SYNPO2: variants seen among roughly 807,000 people sequenced by gnomAD.
SYNPO2 encodes synaptopodin 2.
In SYNPO2, 56 loss-of-function variants were observed where a neutral mutation model predicts 85.0. That is an observed-to-expected ratio of 0.66 (90% confidence interval 0.53 to 0.82). The LOEUF (loss-of-function observed/expected upper bound fraction) is 0.82. SYNPO2 is among the 40% of genes least tolerant of loss of function. SYNPO2 has a pLI of 0.00. For synonymous variants in SYNPO2, 602 were observed against 591.1 expected, an observed-to-expected ratio of 1.02 and a Z score of -0.27; for missense variants, 1,575 against 1,534.2, an observed-to-expected ratio of 1.03 and a Z score of -0.44.
intron 1 of SYNPO2, among the ~76,000 whole-genome samples, chr4:118,963,945 A>G (rs899762165): frequency 1.3e-5 from 2 of 152,152 alleles, no homozygotes; most frequent in Non-Finnish European, 2.9e-5. Context: ...TCAATCAATC[A>G]ATCAACCTTC....
At chr4:118,956,978 GA>G (rs1734900666) in intron 1 of SYNPO2, among the ~76,000 whole-genome samples, 1 of 152,036 alleles carries the variant, frequency 6.6e-6, no homozygotes, top group South Asian at 2.1e-4. Context: ...CTGGGAGGTA[GA>G]GGTTGCAGTG....
intron 4 of SYNPO2, among the ~76,000 whole-genome samples, chr4:119,049,894 G>A (rs141800976): frequency 5.1e-4 from 77 of 152,164 alleles, no homozygotes; most frequent in African/African-American, 1.8e-3. Flanking sequence ...CCTACGGCCC[G>A]GTCACCTGCC....
At chr4:118,859,902 A>AT (rs780673739) in intron 1 of SYNPO2, among the ~76,000 whole-genome samples, 96 of 152,048 alleles carry the variant, frequency 6.3e-4, no homozygotes, top group Non-Finnish European at 1.2e-3. Context: ...TCTCTTTGAT[A>AT]TACTGATTTC....
At chr4:118,971,479 G>A (rs1286344071) in intron 1 of SYNPO2, among the ~76,000 whole-genome samples, 1 of 152,230 alleles carries the variant, frequency 6.6e-6, no homozygotes, top group Non-Finnish European at 1.5e-5. Context: ...ACTGGACAAT[G>A]TGACTTAGAC....
chr4:118,999,724 G>A (rs1243555482), intron 1 of SYNPO2, among the ~76,000 whole-genome samples: 2 of 152,094 alleles, frequency 1.3e-5, no homozygotes, highest in Non-Finnish European at 2.9e-5. Context: ...CAGGTGAAGG[G>A]CTTCATTGAT....
At chr4:118,943,327 A>T (rs1734384797) in intron 1 of SYNPO2, among the ~76,000 whole-genome samples, 1 of 152,176 alleles carries the variant, frequency 6.6e-6, no homozygotes, top group Admixed American at 6.5e-5. Context: ...GCTACAAGAG[A>T]GGGGCTCGGT....
At chr4:118,954,971 C>G (rs1734820652) in intron 1 of SYNPO2, among the ~76,000 whole-genome samples, 1 of 150,832 alleles carries the variant, frequency 6.6e-6, no homozygotes, top group Non-Finnish European at 1.5e-5. Context: ...TTGCACCAGA[C>G]AGTCTGACTC....
At chr4:118,886,977 C>T (rs1335092036), upstream of SYNPO2, among the ~76,000 whole-genome samples, 1 of 152,022 alleles carries the variant, frequency 6.6e-6, no homozygotes, top group Non-Finnish European at 1.5e-5. Context: ...CCATTTTATT[C>T]AACATTGTTT....
At chr4:118,996,543 T>TA (rs1367299605) in intron 1 of SYNPO2, among the ~76,000 whole-genome samples, 1 of 151,946 alleles carries the variant, frequency 6.6e-6, no homozygotes, top group Non-Finnish European at 1.5e-5. Flanking sequence ...TTTTGTACAA[T>TA]AAAAATAAAT....
At chr4:118,859,832 C>T (rs1303294158) in intron 1 of SYNPO2, among the ~76,000 whole-genome samples, 1 of 152,190 alleles carries the variant, frequency 6.6e-6, no homozygotes, top group Non-Finnish European at 1.5e-5. Flanking sequence ...GCCCTTCAAA[C>T]ATTGCTTCCA....
intron 1 of SYNPO2, among the ~76,000 whole-genome samples, chr4:118,904,668 A>T (rs898109520): frequency 6.6e-6 from 1 of 152,102 alleles, no homozygotes; most frequent in African/African-American, 2.4e-5. Flanking sequence ...CTAAATTACA[A>T]GACCTTATTA....
intron 4 of SYNPO2, chr4:119,032,853 CAAT>C (rs58771461): frequency 4.6e-5 from 39 of 856,972 alleles, no homozygotes; most frequent in South Asian, 5.3e-5. Flanking sequence ...GACCCTGTCT[CAAT>C]AATAATAATA....
chr4:118,968,579 C>G (rs1735403208), intron 1 of SYNPO2, among the ~76,000 whole-genome samples: 1 of 152,096 alleles, frequency 6.6e-6, no homozygotes, highest in Non-Finnish European at 1.5e-5. Context: ...AATTTCTGAC[C>G]ATGATACAGT....
At chr4:118,977,215 C>CG (rs1327919307) in intron 1 of SYNPO2, among the ~76,000 whole-genome samples, 1 of 152,196 alleles carries the variant, frequency 6.6e-6, no homozygotes, top group Non-Finnish European at 1.5e-5. Flanking sequence ...AGCTAAGGCC[C>CG]GGGGAGAAAT....
chr4:118,905,910 A>G (rs1406258977), intron 1 of SYNPO2, among the ~76,000 whole-genome samples: 2 of 152,208 alleles, frequency 1.3e-5, no homozygotes, highest in African/African-American at 4.8e-5. Context: ...ATGTTATGAT[A>G]TAGGGGCTTG....
intron 1 of SYNPO2, among the ~76,000 whole-genome samples, chr4:118,925,942 G>T (rs1031176598): frequency 1.3e-5 from 2 of 152,118 alleles, no homozygotes; most frequent in African/African-American, 4.8e-5. Context: ...GAAGTACCAT[G>T]ATTTTTGCTA....
chr4:118,878,361 T>C (rs1175826566), intron 1 of SYNPO2, among the ~76,000 whole-genome samples: 1 of 152,090 alleles, frequency 6.6e-6, no homozygotes, highest in Admixed American at 6.5e-5. Flanking sequence ...AAATAAAAGT[T>C]AAAAAATAAA....
At chr4:118,903,961 CCA>C (rs1732844530) in intron 1 of SYNPO2, among the ~76,000 whole-genome samples, 1 of 152,092 alleles carries the variant, frequency 6.6e-6, no homozygotes, top group Admixed American at 6.6e-5. Flanking sequence ...CGTGATCCGC[CCA>C]CCTCAGCCTC....
At chr4:119,038,604 A>G in intron 4 of SYNPO2, 1 of 966,844 alleles carries the variant, frequency 1.0e-6, no homozygotes, top group Non-Finnish European at 1.2e-6. Context: ...AGCACCTAGC[A>G]TGGCTTGCTA....
Sources: gnomAD v4.1 joint callset for allele counts (sites outside exome capture counted in the v4.1 genomes callset) on GRCh38, gnomAD v4.1.1 for gene constraint, MANE v1.5 for transcripts, NCBI Gene and HGNC (gene_info 2026-07-23, HGNC 2026-07-21) for gene names.